Variants in NIPSNAP2 observed in about 807,000 individuals in gnomAD.
The protein encoded by NIPSNAP2 is nipsnap homolog 2.
Under a neutral mutation model 48.4 loss-of-function variants are expected in NIPSNAP2, and 42 were observed. The ratio of observed to expected loss-of-function variants is 0.87; its 90% CI spans 0.68 to 1.12. NIPSNAP2 has a LOEUF of 1.12. Among genes scored for constraint, NIPSNAP2 ranks in the 50% most tolerant of loss-of-function variants. The probability of loss-of-function intolerance (pLI) is 0.00; values close to 1 mark genes in which losing one functional copy is unlikely to be tolerated. For missense variants in NIPSNAP2, 314 were observed against 347.3 expected, an observed-to-expected ratio of 0.90 and a Z score of 0.76; for synonymous variants, 158 against 126.6, an observed-to-expected ratio of 1.25 and a Z score of -1.67.
At chr7:55,978,724 A>G (rs1374430017) in intron 3 of NIPSNAP2, 3 of 265,684 alleles carry the variant, frequency 1.1e-5, no homozygotes, top group Admixed American at 9.8e-5. Context: ...CCTGTCCTGA[A>G]GTAAGTTCCA....
chr7:55,970,313 T>G (rs1224590359), intron 1 of NIPSNAP2, among the ~76,000 whole-genome samples: 1 of 151,596 alleles, frequency 6.6e-6, no homozygotes, highest in Non-Finnish European at 1.5e-5. Context: ...ACTTAGATTT[T>G]TTTTTTTTTT....
In NIPSNAP2 at chr7:55,978,147, C is replaced by T. The variant is rs1178016366; in HGVS notation, c.114C>T (p.Asn38=). The change falls in exon 2 of 10, where the codon AAC becomes AAT. Residue 38 remains asparagine (N), a synonymous_variant. Transcript: ENST00000322090. ...PRLRTWTSSS[N]RSREDSWLKS... ...ATAGGACATGGACATCTTCCAGCAA[C>T]AGATCTCGAGAAGACAGCTGGCTAA... 2.5e-6 allele frequency: 4 copies of T among 1,614,136 alleles called. No individual in the cohort carries two copies. The highest frequency in any genetic ancestry group is 3.4e-6 in the Non-Finnish European group (4 of 1,180,026).
intron 7 of NIPSNAP2, among the ~76,000 whole-genome samples, chr7:55,991,606 A>T (rs111488013): frequency 3.3e-5 from 5 of 151,726 alleles, no homozygotes; most frequent in Admixed American, 6.6e-5. Flanking sequence ...AAATTAGCCA[A>T]GTGTGGTGGT....
chr7:55,977,734 T>C (rs555703739), intron 1 of NIPSNAP2, among the ~76,000 whole-genome samples: 184 of 152,296 alleles, frequency 1.2e-3, no homozygotes, highest in African/African-American at 4.4e-3. Context: ...ACCATTCATC[T>C]TGAGAATTTC....
At chr7:55,967,208 C>G (rs959808766) in intron 1 of NIPSNAP2, among the ~76,000 whole-genome samples, 2 of 152,248 alleles carry the variant, frequency 1.3e-5, no homozygotes, top group Admixed American at 1.3e-4. Flanking sequence ...TTCTGTGAAG[C>G]CTGCTTTTCT....
chr7:55,981,645 C>T, intron 4 of NIPSNAP2, 78 bp downstream of exon 4: 1 of 911,936 alleles, frequency 1.1e-6, no homozygotes, highest in South Asian at 1.6e-5. Flanking sequence ...TAATTTAATG[C>T]TTGTTCTTAT....
chr7:55,993,798 T>C (rs938622018), intron 7 of NIPSNAP2, among the ~76,000 whole-genome samples: 1 of 152,088 alleles, frequency 6.6e-6, no homozygotes, highest in Non-Finnish European at 1.5e-5. Flanking sequence ...TTAAGCCAAG[T>C]GCCTATTTTT....
At chr7:55,967,628 A>G in intron 1 of NIPSNAP2, among the ~76,000 whole-genome samples, 1 of 122,668 alleles carries the variant, frequency 8.2e-6, no homozygotes. Flanking sequence ...CACCATGCCC[A>G]GCTATTATTT....
intron 7 of NIPSNAP2, 110 bp downstream of exon 7, chr7:55,984,988 T>C: frequency 1.3e-6 from 1 of 749,016 alleles, no homozygotes; most frequent in Middle Eastern, 3.3e-4. Flanking sequence ...GACTTAACAC[T>C]GCACTAATGT....
At chr7:55,981,866 T>C (rs751411756) in intron 4 of NIPSNAP2, 11 of 361,942 alleles carry the variant, frequency 3.0e-5, no homozygotes, top group Admixed American at 1.3e-4. Context: ...AGTGCAGTGA[T>C]GAGTATCTAG....
At chr7:55,988,076 A>G (rs975712161) in intron 7 of NIPSNAP2, among the ~76,000 whole-genome samples, 1 of 152,154 alleles carries the variant, frequency 6.6e-6, no homozygotes, top group African/African-American at 2.4e-5. Context: ...AGCCTGGGCA[A>G]CATGGTGAAA....
intron 1 of NIPSNAP2, among the ~76,000 whole-genome samples, chr7:55,973,038 C>T (rs1257376283): frequency 2.0e-5 from 3 of 151,588 alleles, no homozygotes; most frequent in African/African-American, 7.3e-5. Flanking sequence ...CCCGGGAGGT[C>T]GAGGCTACAG....
At chr7:55,978,084 G>A (rs752468984) in intron 1 of NIPSNAP2, 42 bp from the exon 2 acceptor site, 1 of 1,606,492 alleles carries the variant, frequency 6.2e-7, no homozygotes, top group South Asian at 1.1e-5. Flanking sequence ...ATGGATATAT[G>A]AAAACAGTAT....
intron 8 of NIPSNAP2, among the ~76,000 whole-genome samples, chr7:55,996,612 A>G (rs767268563): frequency 3.3e-5 from 5 of 152,198 alleles, no homozygotes; most frequent in Non-Finnish European, 5.9e-5. Flanking sequence ...ATGTTGAGTA[A>G]AATTGATCTG....
chr7:55,994,891 C>G lies in NIPSNAP2; in HGVS notation c.618-3C>G. 2 of 1,613,636 alleles carry G rather than the reference C, an allele frequency of 1.2e-6. No individual in the cohort carries two copies. Among genetic ancestry groups the G allele is most frequent in the Non-Finnish European group, 1.7e-6 (2 of 1,179,528 alleles). ...TTAAACAAACATCATCTCATTCTTA[C>G]AGGGCTCGTGCAATCCGCTTCAGAC... On this transcript the variant is annotated splice_region_variant and splice_polypyrimidine_tract_variant and intron_variant, in intron 7 of 9. Transcript: ENST00000322090.
At chr7:55,990,801 T>C (rs1787428147) in intron 7 of NIPSNAP2, among the ~76,000 whole-genome samples, 1 of 151,444 alleles carries the variant, frequency 6.6e-6, no homozygotes, top group Admixed American at 6.6e-5. Context: ...CTTTTTTTTT[T>C]TTTTGAGACG....
rs144402098 is a variant in NIPSNAP2 at position 55,992,043 on chromosome 7, A to G, written c.618-2851A>G. On this transcript the variant is annotated intron_variant, in intron 7 of 9. Transcript: ENST00000322090. ...TGATTTGCTTAATTTCAATAATCAGATTTATAATTTCTGTGAAGATATTGA... is the reference window on the plus strand; with the variant it reads ...TGATTTGCTTAATTTCAATAATCAGGTTTATAATTTCTGTGAAGATATTGA... Among the ~76,000 whole-genome samples the G allele has an allele frequency of 7.8e-3, 1,194 of 152,130 alleles. 10 individuals are homozygous for G. The highest frequency in any genetic ancestry group is 0.021 in the South Asian group (99 of 4,826).
chr7:55,973,259 C>G (rs1186492585), intron 1 of NIPSNAP2, among the ~76,000 whole-genome samples: 1 of 152,084 alleles, frequency 6.6e-6, no homozygotes, highest in Non-Finnish European at 1.5e-5. Flanking sequence ...ATAGTAAACA[C>G]AAATTGGAAG....
chr7:55,964,847 G>A, intron 1 of NIPSNAP2, 146 bp downstream of exon 1: 1 of 248,896 alleles, frequency 4.0e-6, no homozygotes. Flanking sequence ...CCGGAGCTGG[G>A]GTGGGGCCGG....
Sources: gnomAD v4.1 joint callset for allele counts (sites outside exome capture counted in the v4.1 genomes callset) on GRCh38, gnomAD v4.1.1 for gene constraint, MANE v1.5 for transcripts, NCBI Gene and HGNC (gene_info 2026-07-23, HGNC 2026-07-21) for gene names.